The following KAT6A variants were observed in gnomAD, a reference collection of about 807,000 sequenced individuals.
KAT6A encodes lysine acetyltransferase 6A.
KAT6A carries 9 observed loss-of-function variants against 198.4 expected under a neutral mutation model. The ratio of observed to expected loss-of-function variants is 0.05; its 90% confidence interval spans 0.03 to 0.08. The LOEUF (loss-of-function observed/expected upper bound fraction) is 0.08. Among genes scored for constraint, KAT6A ranks in the 10% least tolerant of loss-of-function variants. KAT6A has a pLI of 1.00. For missense variants in KAT6A, 2,077 were observed against 2,509.9 expected, an observed-to-expected ratio of 0.83 and a Z score of 3.69; for synonymous variants, 890 against 883.0, an observed-to-expected ratio of 1.01 and a Z score of -0.14.
chr8:41,954,175 G>A (rs910439548), intron 9 of KAT6A, among the ~76,000 whole-genome samples: 1 of 152,002 alleles, frequency 6.6e-6, no homozygotes, highest in Non-Finnish European at 1.5e-5. Context: ...TTTCTACTTC[G>A]ACTGTAGACT....
chr8:42,023,633 G>A (rs893769616), intron 2 of KAT6A, among the ~76,000 whole-genome samples: 4 of 151,528 alleles, frequency 2.6e-5, no homozygotes, highest in Non-Finnish European at 5.9e-5. Context: ...GACTATAGGC[G>A]CGCGCCACCA....
At chr8:41,966,210 T>C (rs1006528046) in intron 8 of KAT6A, among the ~76,000 whole-genome samples, 2 of 152,050 alleles carry the variant, frequency 1.3e-5, no homozygotes, top group Non-Finnish European at 2.9e-5. Context: ...GTTCTTGGAA[T>C]ACACAGATAA....
intron 2 of KAT6A, among the ~76,000 whole-genome samples, chr8:42,001,329 G>C (rs11986505): frequency 0.028 from 4,268 of 152,236 alleles, 195 homozygotes; most frequent in African/African-American, 0.095. Context: ...CAGCACATTA[G>C]TGTCTCTGTA....
intron 2 of KAT6A, among the ~76,000 whole-genome samples, chr8:42,043,926 C>A (rs1435355305): frequency 7.4e-6 from 1 of 135,450 alleles, no homozygotes; most frequent in African/African-American, 2.5e-5. Flanking sequence ...TTATTAATAA[C>A]TAACTAACCT....
chr8:42,028,350 C>T (rs1826943377), intron 2 of KAT6A, among the ~76,000 whole-genome samples: 1 of 152,144 alleles, frequency 6.6e-6, no homozygotes, highest in South Asian at 2.1e-4. Flanking sequence ...CCAACTATTA[C>T]CATATTGGAG....
At chr8:41,944,098 CA>C (rs376434990) in intron 12 of KAT6A, 119 bp from the exon 13 acceptor site, 23,361 of 394,292 alleles carry the variant, frequency 0.059, no homozygotes, top group South Asian at 0.11. Context: ...AAATTCCTTC[CA>C]AAAAAAAAAA....
chr8:41,991,301 T>C (rs1007103813), intron 2 of KAT6A, among the ~76,000 whole-genome samples: 2 of 152,176 alleles, frequency 1.3e-5, no homozygotes, highest in Admixed American at 1.3e-4. Flanking sequence ...AGTAGAATGT[T>C]AAACAGTAAT....
At chr8:42,045,516 C>T (rs1291349988) in intron 2 of KAT6A, among the ~76,000 whole-genome samples, 6 of 146,538 alleles carry the variant, frequency 4.1e-5, no homozygotes, top group Non-Finnish European at 5.9e-5. Flanking sequence ...AAGCCAAGAT[C>T]GTGCCACTGC....
At position 41,943,742 on chromosome 8, in the gene KAT6A, A is replaced by C. The variant is rs767214746; in HGVS notation, c.2228+6T>G. On this transcript the variant is annotated splice_donor_region_variant and intron_variant, in intron 13 of 16. Transcript: ENST00000265713. ...TCAAAGGTATACAAAAAGATGTGAT[A>C]CTCACTGGTCACTACGGAAGTCCAG... 2 of 1,600,210 alleles carry C rather than the reference A, an allele frequency of 1.2e-6. No individual in the cohort carries two copies. Among genetic ancestry groups the C allele is most frequent in the African/African-American group, 2.7e-5 (2 of 74,578 alleles).
intron 2 of KAT6A, 42 bp from the exon 3 acceptor site, chr8:41,987,605 AT>A: frequency 9.0e-7 from 1 of 1,115,692 alleles, no homozygotes; most frequent in South Asian, 1.3e-5. Flanking sequence ...TAATACTTTT[AT>A]TTAGTATTAC....
chr8:41,967,274 A>ATTTATTT (rs1554686629), intron 8 of KAT6A, among the ~76,000 whole-genome samples: 67 of 142,844 alleles, frequency 4.7e-4, no homozygotes, highest in African/African-American at 1.5e-3. Flanking sequence ...TAAAAAAAAA[A>ATTTATTT]ATTTATTTAT....
intron 15 of KAT6A, among the ~76,000 whole-genome samples, chr8:41,939,391 G>C (rs1011056392): frequency 6.6e-6 from 1 of 152,018 alleles, no homozygotes; most frequent in Non-Finnish European, 1.5e-5. Context: ...TTTTACAGAC[G>C]GAGTCTTGCT....
chr8:41,938,403 A>G (rs557920743), intron 15 of KAT6A, among the ~76,000 whole-genome samples: 22 of 152,216 alleles, frequency 1.4e-4, no homozygotes, highest in Non-Finnish European at 2.4e-4. Context: ...ACAAAGATCT[A>G]TTCTTCATGA....
chr8:41,973,983 AG>A (rs1431514396), intron 8 of KAT6A, among the ~76,000 whole-genome samples: 2 of 152,192 alleles, frequency 1.3e-5, no homozygotes, highest in African/African-American at 4.8e-5. Context: ...CCTATAGTTC[AG>A]GGAAAGAATT....
chr8:42,049,082 C>T lies in KAT6A; in HGVS notation c.-105G>A, dbSNP rs185068001. Reference sequence around the variant, plus strand: ...TTCTCGGAGGCTGGGAACCAGTTAACCATAGCATATGAGTTTTCTGGCCTA... The same window carrying T: ...TTCTCGGAGGCTGGGAACCAGTTAATCATAGCATATGAGTTTTCTGGCCTA... On this transcript the variant is annotated 5_prime_UTR_variant, in exon 2 of 17. It introduces an in-frame stop codon into an upstream open reading frame of the 5' UTR. Coordinates refer to ENST00000265713, the MANE Select transcript of KAT6A (RefSeq NM_006766.5). The T allele has an allele frequency of 3.1e-5, 38 of 1,244,706 alleles. No individual in the cohort carries two copies. The Admixed American group carries it at 8.6e-4, about 28-fold the overall frequency. The allele number at this position is 1,244,706 out of a possible 1,614,324, so 77.1% of individuals were successfully genotyped here. A position where few individuals can be genotyped will look rare whatever the true frequency, so the allele number is the denominator to read the frequency against.
In KAT6A at chr8:41,932,889, C is replaced by A. The variant is rs1215446066; in HGVS notation, c.5331G>T (p.Val1777=). ...GAGAAACACTGGTTGCATAGGAAGT[C>A]ACAGCAGGAGAATGGCTATAAGGCA... The part of the protein sequence containing the change: ...HAMPYSHSPA[V]TSYATSVSLS... Residue 1777 remains valine (V), a synonymous_variant, in exon 17 of 17, where the codon GTG becomes GTT. Coordinates refer to ENST00000265713, the MANE Select transcript of KAT6A (RefSeq NM_006766.5). The A allele has an allele frequency of 1.2e-6, 2 of 1,614,092 alleles. No homozygotes were observed. The highest frequency in any genetic ancestry group is 3.3e-5 in the Admixed American group (2 of 60,014).
chr8:41,957,611 G>C, intron 8 of KAT6A: 1 of 220,920 alleles, frequency 4.5e-6, no homozygotes, highest in Admixed American at 5.3e-5. Context: ...ATTTAAATAT[G>C]CCAAATTATT....
chr8:41,956,138 C>T (rs1822906041), intron 8 of KAT6A, among the ~76,000 whole-genome samples: 1 of 152,190 alleles, frequency 6.6e-6, no homozygotes, highest in South Asian at 2.1e-4. Flanking sequence ...GCCTTTATGA[C>T]TTCCCTGACT....
chr8:41,941,732 A>G (rs531665194), intron 14 of KAT6A, among the ~76,000 whole-genome samples: 20 of 152,348 alleles, frequency 1.3e-4, no homozygotes, highest in African/African-American at 1.4e-4. Context: ...GCCCCAGGTC[A>G]CGCAAGAGCA....
Sources: allele counts gnomAD v4.1 joint callset (sites outside exome capture counted in the v4.1 genomes callset), GRCh38; gene constraint gnomAD v4.1.1; transcripts MANE v1.5; gene names NCBI Gene and HGNC (gene_info 2026-07-23, HGNC 2026-07-21).